Variants in AGBL1 observed in about 807,000 individuals in gnomAD.
AGBL1 encodes the protein cytosolic carboxypeptidase 4.
Under a neutral mutation model 118.9 loss-of-function variants are expected in AGBL1, and 130 were observed. The ratio of observed to expected loss-of-function variants is 1.09; its 90% CI spans 0.95 to 1.26. The LOEUF (loss-of-function observed/expected upper bound fraction) is 1.26, where lower values mean the gene tolerates loss of function less well. AGBL1 is among the 50% of genes most tolerant of loss of function. The probability of loss-of-function intolerance (pLI) is 0.00; values close to 1 mark genes in which losing one functional copy is unlikely to be tolerated. For missense variants in AGBL1, 1,584 were observed against 1,298.1 expected, an observed-to-expected ratio of 1.22 and a Z score of -3.38; for synonymous variants, 555 against 478.9, an observed-to-expected ratio of 1.16 and a Z score of -2.08.
At chr15:86,553,752 A>G (rs1847797308) in intron 20 of AGBL1, among the ~76,000 whole-genome samples, 1 of 152,194 alleles carries the variant, frequency 6.6e-6, no homozygotes, top group Non-Finnish European at 1.5e-5. Flanking sequence ...GTATGTGTGC[A>G]GCCTTGGTCC....
chr15:86,791,123 A>G (rs2078487486), intron 22 of AGBL1, among the ~76,000 whole-genome samples: 1 of 152,190 alleles, frequency 6.6e-6, no homozygotes, highest in African/African-American at 2.4e-5. Flanking sequence ...TGGAAAACAC[A>G]CGAACGTAAA....
intron 5 of AGBL1, among the ~76,000 whole-genome samples, chr15:86,195,190 C>A (rs898145857): frequency 2.2e-4 from 34 of 152,042 alleles, no homozygotes; most frequent in African/African-American, 7.0e-4. Context: ...TTTTATAGAT[C>A]TATAGGAAAG....
intron 21 of AGBL1, among the ~76,000 whole-genome samples, chr15:86,638,098 G>C (rs2085127803): frequency 6.6e-6 from 1 of 151,898 alleles, no homozygotes; most frequent in Non-Finnish European, 1.5e-5. Flanking sequence ...TTTCAACTTG[G>C]CACAGGCTAG....
intron 23 of AGBL1, among the ~76,000 whole-genome samples, chr15:86,938,457 A>T (rs1244970023): frequency 6.6e-6 from 1 of 152,162 alleles, no homozygotes; most frequent in Non-Finnish European, 1.5e-5. Context: ...TTTGGAGAAA[A>T]CCAAAGTGTT....
chr15:86,863,824 T>C (rs1392869262), intron 22 of AGBL1, among the ~76,000 whole-genome samples: 2 of 152,204 alleles, frequency 1.3e-5, no homozygotes, highest in African/African-American at 2.4e-5. Flanking sequence ...CCAGAAACTG[T>C]GTGATACTAA....
At chr15:86,537,625 G>A (rs74706631) in intron 19 of AGBL1, among the ~76,000 whole-genome samples, 2 of 152,300 alleles carry the variant, frequency 1.3e-5, no homozygotes, top group South Asian at 2.1e-4. Flanking sequence ...TGAGAGTTTT[G>A]TTATATTGTT....
At chr15:86,721,429 G>T (rs1489220694) in intron 22 of AGBL1, among the ~76,000 whole-genome samples, 3 of 152,072 alleles carry the variant, frequency 2.0e-5, no homozygotes, top group African/African-American at 7.2e-5. Flanking sequence ...TGCAGAAAAG[G>T]CCTTTGACAA....
At chr15:86,083,425 G>A (rs560162336) in intron 1 of AGBL1, 2 of 152,234 alleles carry the variant, frequency 1.3e-5, no homozygotes, top group African/African-American at 4.8e-5. Flanking sequence ...CTGTGATATG[G>A]GCACATTTTT....
chr15:86,193,395 A>G (rs753992549), intron 5 of AGBL1, among the ~76,000 whole-genome samples: 83 of 152,184 alleles, frequency 5.5e-4, no homozygotes, highest in Non-Finnish European at 1.1e-3. Context: ...TGGAGACTGG[A>G]ATGATGCAAT....
chr15:86,982,689 A>G (rs542386077), intron 23 of AGBL1, among the ~76,000 whole-genome samples: 3 of 152,202 alleles, frequency 2.0e-5, no homozygotes, highest in Non-Finnish European at 4.4e-5. Context: ...AACAGTAAAC[A>G]TATTTTCTCT....
intron 22 of AGBL1, among the ~76,000 whole-genome samples, chr15:86,692,197 CAAAA>C (rs1188583323): frequency 1.3e-5 from 2 of 151,584 alleles, no homozygotes; most frequent in Non-Finnish European, 2.9e-5. Context: ...AAACAAAAAA[CAAAA>C]AAACCAAAAA....
chr15:86,866,995 C>T (rs1862564853), intron 22 of AGBL1, among the ~76,000 whole-genome samples: 1 of 152,130 alleles, frequency 6.6e-6, no homozygotes, highest in African/African-American at 2.4e-5. Flanking sequence ...CTAATGTCTG[C>T]AAGGGCATGA....
chr15:86,406,364 T>C (rs951369182), intron 18 of AGBL1, among the ~76,000 whole-genome samples: 4 of 152,342 alleles, frequency 2.6e-5, no homozygotes, highest in African/African-American at 9.6e-5. Context: ...CATGCCGTAG[T>C]ATGGTTCTTA....
At chr15:86,965,996 GCAT>G (rs1005760739) in intron 23 of AGBL1, among the ~76,000 whole-genome samples, 1 of 151,970 alleles carries the variant, frequency 6.6e-6, no homozygotes, top group Non-Finnish European at 1.5e-5. Context: ...AGAACTTAAA[GCAT>G]CATCATCATC....
chr15:86,423,316 G>A (rs1190030632), intron 18 of AGBL1, among the ~76,000 whole-genome samples: 13 of 152,092 alleles, frequency 8.5e-5, no homozygotes, highest in Admixed American at 8.5e-4. Flanking sequence ...CAGAACCAAT[G>A]ACAAAAACCA....
At chr15:86,900,263 A>G (rs559801958) in intron 22 of AGBL1, among the ~76,000 whole-genome samples, 23 of 152,246 alleles carry the variant, frequency 1.5e-4, no homozygotes, top group African/African-American at 5.5e-4. Flanking sequence ...CAATTCTCCA[A>G]ATAAACTCCC....
At chr15:86,698,163 A>G (rs1485001979) in intron 22 of AGBL1, among the ~76,000 whole-genome samples, 2 of 151,908 alleles carry the variant, frequency 1.3e-5, no homozygotes, top group African/African-American at 2.4e-5. Flanking sequence ...TTATGCCACA[A>G]TTTGTCTGAA....
intron 18 of AGBL1, among the ~76,000 whole-genome samples, chr15:86,459,787 A>G (rs1201383021): frequency 6.6e-6 from 1 of 152,116 alleles, no homozygotes; most frequent in African/African-American, 2.4e-5. Context: ...GTCCTACCGC[A>G]TTCTGCCCTT....
intron 23 of AGBL1, among the ~76,000 whole-genome samples, chr15:86,963,203 G>T (rs766199900): frequency 6.6e-6 from 1 of 151,898 alleles, no homozygotes; most frequent in African/African-American, 2.4e-5. Context: ...CACAACTCTC[G>T]CTTGATTAAC....
Sources: gnomAD v4.1 joint callset for allele counts (sites outside exome capture counted in the v4.1 genomes callset) on GRCh38, gnomAD v4.1.1 for gene constraint, MANE v1.5 for transcripts, NCBI Gene and HGNC (gene_info 2026-07-23, HGNC 2026-07-21) for gene names.